WFS1: variants seen among roughly 807,000 people sequenced by gnomAD.
The protein encoded by WFS1 is wolframin.
In WFS1, 90 loss-of-function variants were observed where a neutral mutation model predicts 68.5. The ratio of observed to expected loss-of-function variants is 1.31; its 90% CI spans 1.11 to 1.56. The LOEUF (loss-of-function observed/expected upper bound fraction) is 1.56. Among genes scored for constraint, WFS1 ranks in the 40% most tolerant of loss-of-function variants. The pLI, the probability that WFS1 is intolerant of heterozygous loss-of-function variation, is 0.00. For missense variants in WFS1, 1,767 were observed against 1,232.6 expected (o/e 1.43, Z -6.49); for synonymous variants, 860 against 540.7 (o/e 1.59, Z -8.19).
Position 6,277,678 on chromosome 4 carries a change from G to A in WFS1, c.223G>A (p.Asp75Asn). Reference sequence around the variant, plus strand: ...GCATACCAGGAGCCGGGAAAGAGCAGACGGCACCGGTAAGGGAGCAGGCTG... The same window carrying A: ...GCATACCAGGAGCCGGGAAAGAGCAAACGGCACCGGTAAGGGAGCAGGCTG... Reference protein sequence around the residue: ...AQHTRSRERADGTGPTKGDME... With the variant: ...AQHTRSRERANGTGPTKGDME... Residue 75 changes from aspartate to asparagine, a missense_variant, in exon 2 of 8, where the codon GAC (aspartate) becomes AAC (asparagine). By Grantham distance (23) the Asp-to-Asn change is conservative (BLOSUM62 1). Coordinates refer to ENST00000226760, the MANE Select transcript of WFS1 (RefSeq NM_006005.3). The A allele has an allele frequency of 6.4e-7, 1 of 1,560,016 alleles. No homozygotes were observed. The highest frequency in any genetic ancestry group is 1.2e-5 in the South Asian group (1 of 84,724).
chr4:6,301,316 C>T lies in WFS1; in HGVS notation c.1521C>T (p.Leu507=). 6.2e-7 allele frequency: 1 copy of T among 1,611,628 alleles called. No homozygotes were observed. The highest frequency in any genetic ancestry group is 8.5e-7 in the Non-Finnish European group (1 of 1,179,962). The change falls in exon 8 of 8, where the codon CTC becomes CTT. Residue 507 remains leucine, a synonymous_variant. Coordinates refer to ENST00000226760, the MANE Select transcript of WFS1 (RefSeq NM_006005.3). ...VVLNVSVPCL[L]YVYLLYLFFR... Reference sequence around the variant, plus strand: ...TCAACGTCAGCGTCCCGTGCCTGCTCTATGTCTACCTGCTCTATCTCTTCT... The same window carrying T: ...TCAACGTCAGCGTCCCGTGCCTGCTTTATGTCTACCTGCTCTATCTCTTCT...
In WFS1 at chr4:6,301,823, C is replaced by A; in HGVS notation, c.2028C>A (p.Arg676=). The change falls in exon 8 of 8, where the codon CGC becomes CGA. Residue 676 remains arginine (R), a synonymous_variant. Transcript: ENST00000226760. ...AGTATGGTGCGCTGTGCGGGCCACG[C>A]GCCTGGAAGGAGACCAACATGGCGC... ...WQQYGALCGP[R]AWKETNMART... is the part of the protein sequence containing the mutation. 2 of 1,613,148 alleles carry A rather than the reference C, an allele frequency of 1.2e-6. No individual in the cohort carries two copies. The highest frequency in any genetic ancestry group is 1.7e-6 in the Non-Finnish European group (2 of 1,180,022).
intron 4 of WFS1, among the ~76,000 whole-genome samples, chr4:6,290,676 G>A (rs1295701774): frequency 2.0e-5 from 3 of 152,236 alleles, no homozygotes; most frequent in African/African-American, 7.2e-5. Flanking sequence ...GAGGAAGGCA[G>A]CTGCTGACCA....
chr4:6,284,038 A>G (rs765867262), intron 2 of WFS1, among the ~76,000 whole-genome samples: 2 of 152,028 alleles, frequency 1.3e-5, no homozygotes, highest in African/African-American at 2.4e-5. Context: ...CCACTGCCAT[A>G]TGGAAGCTGG....
chr4:6,294,810 G>A lies in WFS1; in HGVS notation c.713-231G>A, dbSNP rs112272637. 0.015 allele frequency: 8,546 copies of A among 584,692 alleles called. 76 individuals carry two copies. Among genetic ancestry groups the A allele is most frequent in the Non-Finnish European group, 0.02 (6,634 of 332,150 alleles). 36.2% of individuals were successfully genotyped at this position (584,692 alleles called of 1,614,324 possible). A position where few individuals can be genotyped will look rare whatever the true frequency, so the allele number is the denominator to read the frequency against. ...TTGGGGTGGGGGACAGCACACCCAG[G>A]GGCCGGGGGCCAGGAGTGGAGGCTG... On this transcript the variant is annotated intron_variant, in intron 6 of 7. Transcript: ENST00000226760.
intron 7 of WFS1, among the ~76,000 whole-genome samples, chr4:6,300,162 C>T (rs893446264): frequency 6.6e-6 from 1 of 152,132 alleles, no homozygotes; most frequent in Non-Finnish European, 1.5e-5. Flanking sequence ...CCTCCGGGGA[C>T]TGCCTGCGGC....
In WFS1 at chr4:6,269,919, C is replaced by G. The variant is rs1234626390; in HGVS notation, c.-101C>G. 6.6e-6 allele frequency: 1 copy of G among 152,138 alleles called. No homozygotes were observed. Among genetic ancestry groups the G allele is most frequent in the African/African-American group, 2.4e-5 (1 of 41,458 alleles). 9.4% of individuals were successfully genotyped at this position (152,138 alleles called of 1,614,324 possible). A position where few individuals can be genotyped will look rare whatever the true frequency, so the allele number is the denominator to read the frequency against. Reference sequence around the variant, plus strand: ...TTGCTCCCCCGCGGCCGCAGATCTCCCGTTTGCGCCGCGTTCAGCTGCTCC... The same window carrying G: ...TTGCTCCCCCGCGGCCGCAGATCTCGCGTTTGCGCCGCGTTCAGCTGCTCC... On this transcript the variant is annotated 5_prime_UTR_variant, in exon 1 of 8. Coordinates refer to ENST00000226760, the MANE Select transcript of WFS1 (RefSeq NM_006005.3).
At chr4:6,282,032 G>A (rs185053999) in intron 2 of WFS1, among the ~76,000 whole-genome samples, 45 of 152,322 alleles carry the variant, frequency 3.0e-4, no homozygotes, top group Admixed American at 9.8e-4. Flanking sequence ...GCTCGTTCTT[G>A]CCTGGCCCAG....
intron 6 of WFS1, 41 bp from the exon 7 acceptor site, chr4:6,294,999 CT>C (rs1560412914): frequency 1.9e-6 from 3 of 1,612,734 alleles, no homozygotes; most frequent in Middle Eastern, 1.7e-4. Context: ...GGCAGTGGGG[CT>C]GCAGTGTGGG....
Position 6,301,793 on chromosome 4 carries a change from G to A in WFS1, c.1998G>A (p.Trp666Ter). 6.2e-7 allele frequency: 1 copy of A among 1,613,342 alleles called. No individual in the cohort carries two copies. The highest frequency in any genetic ancestry group is 8.5e-7 in the Non-Finnish European group (1 of 1,180,030). The change falls in exon 8 of 8, where the codon TGG becomes TGA. Residue 666 changes from tryptophan (W) to a stop codon, truncating the protein, a stop_gained. Transcript: ENST00000226760. LOFTEE classifies it high-confidence loss of function. ...AGGTCTACAACTCCACACTGACCTG[G>A]CAGCAGTATGGTGCGCTGTGCGGGC... is the stretch of plus-strand genomic sequence containing the variant. ...GMKVYNSTLT[W>*]QQYGALCGPR... is the part of the protein sequence containing the mutation.
In WFS1 at chr4:6,303,107, G is replaced by A. The variant is rs1731024284; in HGVS notation, c.*639G>A. On this transcript the variant is annotated 3_prime_UTR_variant, in exon 8 of 8. Coordinates refer to ENST00000226760, the MANE Select transcript of WFS1 (RefSeq NM_006005.3). ...TAGTGGGTGAATGTGTGAAGGTCTT[G>A]CCTGAATCCATCAGGACTTGGGAAA... The A allele has an allele frequency of 6.4e-6, 1 of 155,348 alleles. No homozygotes were observed. Among genetic ancestry groups the A allele is most frequent in the African/African-American group, 2.4e-5 (1 of 41,434 alleles). 9.6% of individuals were successfully genotyped at this position (155,348 alleles called of 1,614,324 possible). A position where few individuals can be genotyped will look rare whatever the true frequency, so the allele number is the denominator to read the frequency against.
intron 7 of WFS1, among the ~76,000 whole-genome samples, chr4:6,297,660 G>A (rs4689397): frequency 0.58 from 87,737 of 151,922 alleles, 26,286 homozygotes; most frequent in East Asian, 0.93. Flanking sequence ...CTGGTTTCTC[G>A]TGGCAGCAGA....
At position 6,277,404 on chromosome 4, in the gene WFS1, C is replaced by T. The variant is rs1021986750; in HGVS notation, c.-5-47C>T. The T allele has an allele frequency of 4.5e-5, 69 of 1,522,836 alleles. No individual in the cohort carries two copies. In the South Asian group the frequency reaches 5.9e-4, roughly 13 times the overall value. The allele number at this position is 1,522,836 out of a possible 1,614,324, so 94.3% of individuals were successfully genotyped here. ...CTCCAGCAGACACTAAGTGCCAGAG[C>T]GGGCTCTGCCGGTGCTGGATGTGCC... On this transcript the variant is annotated intron_variant, in intron 1 of 7. Coordinates refer to ENST00000226760, the MANE Select transcript of WFS1 (RefSeq NM_006005.3).
Position 6,300,945 on chromosome 4 carries a change from T to C in WFS1, c.1150T>C (p.Phe384Leu). The C allele has an allele frequency of 1.2e-6, 2 of 1,614,048 alleles. No homozygotes were observed. Among genetic ancestry groups the C allele is most frequent in the Non-Finnish European group, 8.5e-7 (1 of 1,180,028 alleles). Residue 384 changes from phenylalanine (F) to leucine (L), a missense_variant, in exon 8 of 8, where the codon TTC becomes CTC. By Grantham distance (22) the Phe-to-Leu change is conservative. Transcript: ENST00000226760. ...FRTLTDLLLRFEPNLDVEQAE... is the reference protein window; with the variant it reads ...FRTLTDLLLRLEPNLDVEQAE... ...CACCCTCACCGACCTGCTGCTGCGC[T>C]TCGAGCCCAACCTGGATGTGGAGCA...
intron 7 of WFS1, among the ~76,000 whole-genome samples, chr4:6,296,319 T>C (rs1469895789): frequency 6.6e-6 from 1 of 152,182 alleles, no homozygotes; most frequent in Non-Finnish European, 1.5e-5. Context: ...CAGACAGGTC[T>C]GAGTGTGAGC....
At chr4:6,295,320 G>A (rs1280654669) in intron 7 of WFS1, 131 bp downstream of exon 7, 11 of 1,106,850 alleles carry the variant, frequency 9.9e-6, no homozygotes, top group East Asian at 5.0e-5. Context: ...CAGCCGTGCC[G>A]CTGGTACCTT....
intron 2 of WFS1, among the ~76,000 whole-genome samples, chr4:6,282,790 C>T (rs1730204322): frequency 6.6e-6 from 1 of 152,194 alleles, no homozygotes; most frequent in African/African-American, 2.4e-5. Context: ...TCTATTTCTG[C>T]AGAATATCTG....
rs71530926 is a variant in WFS1, at chr4:6,294,954, G to A, written c.713-87G>A. On this transcript the variant is annotated intron_variant, in intron 6 of 7. Coordinates refer to ENST00000226760, the MANE Select transcript of WFS1 (RefSeq NM_006005.3). ...AGCTCCTTTCTTAGCTTGGCCCCAC[G>A]CCACCGTCCCCAGCCCATTGCTCTG... 4.2e-3 allele frequency: 6,725 copies of A among 1,603,628 alleles called. 21 individuals carry two copies. Among genetic ancestry groups the A allele is most frequent in the Non-Finnish European group, 5.4e-3 (6,376 of 1,174,982 alleles).
At chr4:6,288,905 G>A (rs897732831) in intron 3 of WFS1, 82 bp from the exon 4 acceptor site, 2 of 1,556,720 alleles carry the variant, frequency 1.3e-6, no homozygotes, top group Non-Finnish European at 1.7e-6. Flanking sequence ...AAGGGAAGTG[G>A]GTGAAAGGAG....
Sources: gnomAD v4.1 joint callset for allele counts (sites outside exome capture counted in the v4.1 genomes callset) on GRCh38, gnomAD v4.1.1 for gene constraint, MANE v1.5 for transcripts, NCBI Gene and HGNC (gene_info 2026-07-23, HGNC 2026-07-21) for gene names.